The following TRPS1 variants were observed in gnomAD, a reference collection of about 807,000 sequenced individuals.
TRPS1 encodes zinc finger transcription factor Trps1.
In TRPS1, 6 loss-of-function variants were observed where a neutral mutation model predicts 101.2. The ratio of observed to expected loss-of-function variants is 0.06; its 90% CI spans 0.03 to 0.12. TRPS1 has a LOEUF of 0.12. Among genes scored for constraint, TRPS1 ranks in the 10% least tolerant of loss-of-function variants. The pLI, the probability that TRPS1 is intolerant of heterozygous loss-of-function variation, is 1.00. For synonymous variants in TRPS1, 578 were observed against 589.8 expected, an observed-to-expected ratio of 0.98 and a Z score of 0.29; for missense variants, 1,363 against 1,567.0, an observed-to-expected ratio of 0.87 and a Z score of 2.20.
At chr8:115,558,563 G>A (rs181750915) in intron 5 of TRPS1, among the ~76,000 whole-genome samples, 208 of 152,254 alleles carry the variant, frequency 1.4e-3, no homozygotes, top group Middle Eastern at 3.4e-3. Context: ...TAGCAATTAA[G>A]TATGAAAAAC....
At chr8:115,433,970 C>A (rs1251650459) in intron 5 of TRPS1, among the ~76,000 whole-genome samples, 1 of 54,882 alleles carries the variant, frequency 1.8e-5, no homozygotes, top group Non-Finnish European at 3.4e-5. Flanking sequence ...AAAGCGCCTG[C>A]TGTCAGAATC....
chr8:115,440,496 A>G (rs1376836769), intron 5 of TRPS1, among the ~76,000 whole-genome samples: 1 of 152,218 alleles, frequency 6.6e-6, no homozygotes. Flanking sequence ...TGTGGGTCTT[A>G]CATTCTTCTT....
chr8:115,497,936 C>A (rs1163117951), intron 5 of TRPS1, among the ~76,000 whole-genome samples: 1 of 149,806 alleles, frequency 6.7e-6, no homozygotes, highest in Admixed American at 6.7e-5. Flanking sequence ...GGTCATTTAA[C>A]AACATCAGGA....
intron 5 of TRPS1, among the ~76,000 whole-genome samples, chr8:115,568,717 A>C (rs962003169): frequency 6.6e-6 from 1 of 152,166 alleles, no homozygotes; most frequent in Admixed American, 6.6e-5. Context: ...AAACTTATAT[A>C]GAAATTTAAT....
At chr8:115,499,030 T>C (rs910721020) in intron 5 of TRPS1, among the ~76,000 whole-genome samples, 2 of 152,144 alleles carry the variant, frequency 1.3e-5, no homozygotes, top group Non-Finnish European at 2.9e-5. Context: ...TTCTCAGAAA[T>C]CAGATACTAT....
intron 5 of TRPS1, among the ~76,000 whole-genome samples, chr8:115,529,243 G>T (rs1816073564): frequency 6.6e-6 from 1 of 152,112 alleles, no homozygotes; most frequent in South Asian, 2.1e-4. Context: ...GTACATGCCA[G>T]TGAGCAGAAC....
rs1813574550 is a variant in TRPS1 at position 115,440,793 on chromosome 8, TGC to T, written c.2701-22343_2701-22342del. ...GAAAACTGACATTATCAAACCACAA[TGC>T]CTGAAAGTTACCTAGATAGTACTGT... On this transcript the variant is annotated intron_variant, in intron 5 of 6. Coordinates refer to ENST00000395715, the MANE Select transcript of TRPS1 (RefSeq NM_014112.5). Among the ~76,000 whole-genome samples the T allele has an allele frequency of 2.0e-5, 3 of 152,184 alleles. No homozygotes were observed. The South Asian group carries it at 6.2e-4, about 31-fold the overall frequency.
At chr8:115,584,397 G>A (rs895390309) in intron 5 of TRPS1, among the ~76,000 whole-genome samples, 1 of 151,770 alleles carries the variant, frequency 6.6e-6, no homozygotes, top group African/African-American at 2.4e-5. Context: ...CTGAATAATT[G>A]TAGTTACTTT....
chr8:115,663,245 T>C (rs934138057), intron 1 of TRPS1, among the ~76,000 whole-genome samples: 1 of 146,406 alleles, frequency 6.8e-6, no homozygotes, highest in Non-Finnish European at 1.5e-5. Context: ...CGTTCTTACT[T>C]GAACTTTTTT....
At chr8:115,432,071 AT>A (rs1813334096) in intron 5 of TRPS1, among the ~76,000 whole-genome samples, 1 of 151,838 alleles carries the variant, frequency 6.6e-6, no homozygotes, top group South Asian at 2.1e-4. Context: ...TCAGAGGCTA[AT>A]GCTCTTATCT....
At chr8:115,632,727 C>T (rs927125968) in intron 1 of TRPS1, among the ~76,000 whole-genome samples, 8 of 151,982 alleles carry the variant, frequency 5.3e-5, no homozygotes, top group Non-Finnish European at 1.2e-4. Flanking sequence ...CAGACACAAA[C>T]GAATGCATGC....
intron 5 of TRPS1, among the ~76,000 whole-genome samples, chr8:115,566,296 C>A (rs752618351): frequency 7.9e-5 from 12 of 152,120 alleles, no homozygotes; most frequent in Non-Finnish European, 1.5e-4. Context: ...GGCAAGTGGT[C>A]AGAATTGTGG....
intron 5 of TRPS1, among the ~76,000 whole-genome samples, chr8:115,461,334 T>C (rs149598617): frequency 8.5e-5 from 13 of 152,058 alleles, no homozygotes; most frequent in African/African-American, 2.9e-4. Context: ...CATACATACA[T>C]ACATACATAC....
intron 1 of TRPS1, among the ~76,000 whole-genome samples, chr8:115,639,624 T>C (rs897315799): frequency 6.7e-5 from 10 of 150,294 alleles, no homozygotes; most frequent in Non-Finnish European, 1.3e-4. Flanking sequence ...AGTCCAGGAG[T>C]TGGAAACCAG....
chr8:115,634,887 A>G (rs1220852343), intron 1 of TRPS1, among the ~76,000 whole-genome samples: 1 of 151,910 alleles, frequency 6.6e-6, no homozygotes, highest in Non-Finnish European at 1.5e-5. Flanking sequence ...AAAGATAAAA[A>G]GAAGAAAGAA....
chr8:115,668,480 GCCCGCGCCC>G (rs888013428), intron 1 of TRPS1, 56 bp downstream of exon 1: 101 of 145,214 alleles, frequency 7.0e-4, no homozygotes, highest in Middle Eastern at 3.6e-3. Flanking sequence ...GCCGAGGGGC[GCCCGCGCCC>G]CCCGCGCCCC....
intron 4 of TRPS1, among the ~76,000 whole-genome samples, chr8:115,594,249 A>T (rs1424283207): frequency 6.6e-6 from 1 of 152,080 alleles, no homozygotes; most frequent in African/African-American, 2.4e-5. Context: ...CTTTGTATTA[A>T]TCTAAATGCT....
chr8:115,585,272 T>C (rs1817537962), intron 5 of TRPS1, among the ~76,000 whole-genome samples: 2 of 152,186 alleles, frequency 1.3e-5, no homozygotes, highest in Admixed American at 1.3e-4. Context: ...TATTAACATC[T>C]CCATCTTGCT....
At chr8:115,641,890 C>T (rs564933718) in intron 1 of TRPS1, among the ~76,000 whole-genome samples, 1 of 152,028 alleles carries the variant, frequency 6.6e-6, no homozygotes, top group East Asian at 1.9e-4. Context: ...GAAAACAAAA[C>T]AAAACAAAAC....
Sources: allele counts gnomAD v4.1 joint callset (sites outside exome capture counted in the v4.1 genomes callset), GRCh38; gene constraint gnomAD v4.1.1; transcripts MANE v1.5; gene names NCBI Gene and HGNC (gene_info 2026-07-23, HGNC 2026-07-21).